The following MBP variants were observed in gnomAD, a reference collection of about 807,000 sequenced individuals.
The protein encoded by MBP is myelin basic protein.
A neutral mutation model predicts 35.8 loss-of-function variants in MBP; 16 were observed. The ratio of observed to expected loss-of-function variants is 0.45; its 90% confidence interval spans 0.30 to 0.68. The LOEUF is 0.68. MBP is among the 30% of genes least tolerant of loss of function. The probability of loss-of-function intolerance (pLI) is 0.08; values close to 1 mark genes in which losing one functional copy is unlikely to be tolerated. For synonymous variants in MBP, 143 were observed against 159.6 expected (o/e 0.90, Z 0.78); for missense variants, 380 against 404.7 (o/e 0.94, Z 0.52).
upstream of MBP, among the ~76,000 whole-genome samples, chr18:77,133,020 C>A (rs1000162105): frequency 6.6e-5 from 10 of 152,188 alleles, no homozygotes; most frequent in African/African-American, 2.4e-4. Context: ...CCTGGAGCCT[C>A]GCCCGCTGCC....
intron 4 of MBP, among the ~76,000 whole-genome samples, chr18:77,010,577 C>T (rs568643873): frequency 6.6e-6 from 1 of 152,316 alleles, no homozygotes; most frequent in African/African-American, 2.4e-5. Context: ...ATCACTTTAG[C>T]CAATTACTTA....
chr18:77,087,898 C>T (rs1039998659), intron 2 of MBP, among the ~76,000 whole-genome samples: 14 of 152,088 alleles, frequency 9.2e-5, no homozygotes, highest in Admixed American at 1.3e-4. Context: ...CGCTGACACC[C>T]CGCGGGGCAG....
intron 2 of MBP, among the ~76,000 whole-genome samples, chr18:77,095,982 G>A (rs1461899166): frequency 6.6e-6 from 1 of 152,206 alleles, no homozygotes; most frequent in East Asian, 1.9e-4. Flanking sequence ...GCCAGTGATG[G>A]CTTAAAATAT....
intron 1 of MBP, chr18:77,114,076 G>A (rs1976568267): frequency 6.6e-6 from 1 of 152,222 alleles, no homozygotes; most frequent in Non-Finnish European, 1.5e-5. Context: ...TAAGGAAGTA[G>A]CGTCTCTATT....
chr18:76,997,704 A>T (rs142828171), intron 4 of MBP, among the ~76,000 whole-genome samples: 3,947 of 147,288 alleles, frequency 0.027, 207 homozygotes, highest in African/African-American at 0.094. Flanking sequence ...TTTTTTTGAG[A>T]CGGAGTCTCA....
At chr18:77,052,950 C>G (rs924230846) in intron 3 of MBP, among the ~76,000 whole-genome samples, 17 of 152,328 alleles carry the variant, frequency 1.1e-4, no homozygotes, top group Non-Finnish European at 2.1e-4. Flanking sequence ...GAGCCACTGG[C>G]AAGGTTTTGG....
At chr18:77,133,691 C>T (rs955054784), upstream of MBP, 6 of 152,272 alleles carry the variant, frequency 3.9e-5, no homozygotes, top group Admixed American at 2.6e-4. Flanking sequence ...CTGGGACCCA[C>T]ACAGTTTGTT....
intron 2 of MBP, 26 bp from the exon 3 acceptor site, chr18:77,066,411 C>A: frequency 7.2e-7 from 1 of 1,384,254 alleles, no homozygotes; most frequent in East Asian, 2.3e-5. Context: ...ACAACAAACC[C>A]TTTTCTTAAG....
intron 8 of MBP, chr18:76,982,600 G>A (rs1599453081): frequency 1.3e-5 from 2 of 152,220 alleles, no homozygotes; most frequent in African/African-American, 4.8e-5. Flanking sequence ...TAGACTTCCA[G>A]ATTTGAGTGT....
chr18:76,979,929 G>T lies in MBP; in HGVS notation c.*498C>A, dbSNP rs965546342. 2.8e-6 allele frequency: 2 copies of T among 702,142 alleles called. No homozygotes were observed. Among genetic ancestry groups the T allele is most frequent in the South Asian group, 1.5e-5 (1 of 67,544 alleles). 43.5% of individuals were successfully genotyped at this position (702,142 alleles called of 1,614,324 possible). A position where few individuals can be genotyped will look rare whatever the true frequency, so the allele number is the denominator to read the frequency against. On this transcript the variant is annotated 3_prime_UTR_variant, in exon 9 of 9. Coordinates refer to ENST00000355994, the MANE Select transcript of MBP (RefSeq NM_001025101.2). ...ACTGTCTAATCCTGTTAGGAAAAAT[G>T]AAGTCTACTTTAGGAGGTGAGAGAA...
intron 2 of MBP, among the ~76,000 whole-genome samples, chr18:77,080,507 G>A (rs892173903): frequency 2.0e-5 from 3 of 152,204 alleles, no homozygotes; most frequent in Admixed American, 6.5e-5. Context: ...CATACCCTGC[G>A]TTGACAACCA....
chr18:77,029,184 G>A lies in MBP; in HGVS notation c.140-11916C>T, dbSNP rs1287239644. ...GGCACCTCGGGAGGCCGAGGCTGGCGGATCACTCGCGGTTAGGAGCTGGAG... is the reference window on the plus strand; with the variant it reads ...GGCACCTCGGGAGGCCGAGGCTGGCAGATCACTCGCGGTTAGGAGCTGGAG... On this transcript the variant is annotated intron_variant, in intron 3 of 8. Transcript: ENST00000355994. Among the ~76,000 whole-genome samples, 9 of 131,984 alleles carry A rather than the reference G, an allele frequency of 6.8e-5. 1 individual carries two copies. The highest frequency in any genetic ancestry group is 1.0e-4 in the African/African-American group (4 of 38,934). The allele number at this position is 131,984 out of a possible 152,430, so 86.6% of individuals were successfully genotyped here.
In MBP at chr18:77,002,166, T is replaced by A. The variant is rs1970675218; in HGVS notation, c.577-12106A>T. On this transcript the variant is annotated intron_variant, in intron 4 of 8. Transcript: ENST00000355994. ...TTGCCGCCTGGAGACCTCTGGCCTC[T>A]CGTAAACCTGGAATGGTGCGTTCTC... Among the ~76,000 whole-genome samples, 2 of 152,154 alleles carry A rather than the reference T, an allele frequency of 1.3e-5. 1 individual carries two copies. Among genetic ancestry groups the A allele is most frequent in the African/African-American group, 4.8e-5 (2 of 41,424 alleles).
chr18:77,017,838 T>G (rs1971737692), intron 3 of MBP: 1 of 152,206 alleles, frequency 6.6e-6, no homozygotes, highest in Non-Finnish European at 1.5e-5. Context: ...TTCAGGACAT[T>G]TTGACTTGGC....
chr18:77,052,258 A>G (rs137867950), intron 3 of MBP, among the ~76,000 whole-genome samples: 221 of 152,294 alleles, frequency 1.5e-3, no homozygotes, highest in Admixed American at 8.8e-3. Context: ...ACTTATGGAA[A>G]CCAAATAGAA....
At chr18:77,081,251 C>T (rs1412167974) in intron 2 of MBP, among the ~76,000 whole-genome samples, 1 of 152,052 alleles carries the variant, frequency 6.6e-6, no homozygotes, top group African/African-American at 2.4e-5. Context: ...TTGACACTGT[C>T]GAGAAAGGGA....
chr18:77,125,581 A>G (rs1181098890), intron 1 of MBP, among the ~76,000 whole-genome samples: 1 of 152,196 alleles, frequency 6.6e-6, no homozygotes, highest in Non-Finnish European at 1.5e-5. Context: ...AAGAAATAGA[A>G]TAATACTATA....
chr18:77,015,050 A>C (rs1314699417), intron 4 of MBP: 4 of 982,178 alleles, frequency 4.1e-6, no homozygotes, highest in East Asian at 2.3e-4. Flanking sequence ...AAAATATTGA[A>C]GAGTATAAGA....
chr18:77,062,465 T>C (rs1974019851), intron 3 of MBP, among the ~76,000 whole-genome samples: 1 of 151,942 alleles, frequency 6.6e-6, no homozygotes, highest in South Asian at 2.1e-4. Context: ...TTCTTCCTCC[T>C]TTTGTAACTA....
Sources: allele counts gnomAD v4.1 joint callset (sites outside exome capture counted in the v4.1 genomes callset), GRCh38; gene constraint gnomAD v4.1.1; transcripts MANE v1.5; gene names NCBI Gene and HGNC (gene_info 2026-07-23, HGNC 2026-07-21).